YIF1B: variants seen among roughly 807,000 people sequenced by gnomAD.
YIF1B encodes Yip1 interacting factor homolog B, membrane trafficking protein.
YIF1B carries 24 observed loss-of-function variants against 34.6 expected under a neutral mutation model. The ratio of observed to expected loss-of-function variants is 0.69; its 90% CI spans 0.50 to 0.98. The LOEUF is 0.98. Ranked by LOEUF, YIF1B falls within the 50% of genes least tolerant of loss-of-function variation. The pLI, the probability that YIF1B is intolerant of heterozygous loss-of-function variation, is 0.00. For synonymous variants in YIF1B, 186 were observed against 184.8 expected (o/e 1.01, Z -0.05); for missense variants, 368 against 429.4 (o/e 0.86, Z 1.26).
chr19:38,308,640 G>C, intron 5 of YIF1B, 152 bp downstream of exon 5: 1 of 882,952 alleles, frequency 1.1e-6, no homozygotes, highest in Non-Finnish European at 1.9e-6. Flanking sequence ...GGGTGATGCT[G>C]ACAGTGACCC....
intron 1 of YIF1B, among the ~76,000 whole-genome samples, chr19:38,310,176 T>C (rs1344954374): frequency 0.01 from 1,018 of 100,312 alleles, 19 homozygotes; most frequent in African/African-American, 0.037. Context: ...ATCCATCCAT[T>C]CATCCATCCA....
At chr19:38,316,396 C>G (rs1386384536), upstream of YIF1B, among the ~76,000 whole-genome samples, 1 of 151,958 alleles carries the variant, frequency 6.6e-6, no homozygotes. Flanking sequence ...GGCTTAACGC[C>G]TGTAATCTCA....
upstream of YIF1B, among the ~76,000 whole-genome samples, chr19:38,321,160 C>T (rs139741476): frequency 6.6e-6 from 1 of 152,342 alleles, no homozygotes; most frequent in African/African-American, 2.4e-5. Flanking sequence ...CCTAAATCTC[C>T]AGACCTCTCA....
intron 1 of YIF1B, among the ~76,000 whole-genome samples, chr19:38,311,923 C>T (rs2146310226): frequency 6.6e-6 from 1 of 152,108 alleles, no homozygotes; most frequent in Admixed American, 6.5e-5. Context: ...ATGGTGAAAC[C>T]CCATCTCTAC....
chr19:38,309,195 C>T, intron 3 of YIF1B, 29 bp downstream of exon 3: 1 of 1,611,628 alleles, frequency 6.2e-7, no homozygotes, highest in South Asian at 1.1e-5. Flanking sequence ...AGGCCCACTG[C>T]AGACCCACAT....
Position 38,304,032 on chromosome 19 carries a change from C to G in YIF1B, c.*1320G>C. 4.9e-6 allele frequency: 3 copies of G among 609,408 alleles called. No homozygotes were observed. The South Asian group carries it at 6.0e-5, about 12-fold the overall frequency. 37.8% of individuals were successfully genotyped at this position (609,408 alleles called of 1,614,324 possible). A position where few individuals can be genotyped will look rare whatever the true frequency, so the allele number is the denominator to read the frequency against. On this transcript the variant is annotated 3_prime_UTR_variant, in exon 8 of 8. Transcript: ENST00000339413. ...ACAGAGCCCCCCTCAGTCGGCCTCC[C>G]CTGAGGCACCAAGGCTGGCGGAAGC...
chr19:38,318,193 C>CAAAAAAAAAA (rs35748833), upstream of YIF1B, among the ~76,000 whole-genome samples: 26 of 29,896 alleles, frequency 8.7e-4, no homozygotes, highest in South Asian at 2.0e-3. Flanking sequence ...ACTCTTGTCT[C>CAAAAAAAAAA]AAAAAAAAAA....
intron 1 of YIF1B, among the ~76,000 whole-genome samples, chr19:38,313,567 T>A (rs1969413211): frequency 6.6e-6 from 1 of 152,210 alleles, no homozygotes; most frequent in African/African-American, 2.4e-5. Flanking sequence ...CCCAGAGTGA[T>A]CTTTTTAAAT....
At chr19:38,316,098 G>A, upstream of YIF1B, 1 of 943,500 alleles carries the variant, frequency 1.1e-6, no homozygotes, top group Non-Finnish European at 1.4e-6. Flanking sequence ...GGTGCCTTAC[G>A]TAAGAGGCGG....
chr19:38,318,756 C>T (rs1185858184), upstream of YIF1B, among the ~76,000 whole-genome samples: 1 of 152,178 alleles, frequency 6.6e-6, no homozygotes, highest in Non-Finnish European at 1.5e-5. Flanking sequence ...CATGTCTGAG[C>T]TGAGCCCCAA....
chr19:38,315,719 G>A, intron 1 of YIF1B, 141 bp downstream of exon 1: 1 of 1,609,470 alleles, frequency 6.2e-7, no homozygotes. Context: ...CCTCCTACCC[G>A]AACCTGGCAT....
At chr19:38,321,763 GC>G (rs1032705115), upstream of YIF1B, among the ~76,000 whole-genome samples, 1 of 152,242 alleles carries the variant, frequency 6.6e-6, no homozygotes, top group African/African-American at 2.4e-5. Context: ...CCCTGGGTCT[GC>G]CCATGCTGCC....
In YIF1B at chr19:38,304,146, T is replaced by G. The variant is rs76682100; in HGVS notation, c.*1206A>C. On this transcript the variant is annotated 3_prime_UTR_variant, in exon 8 of 8. Coordinates refer to ENST00000339413, the MANE Select transcript of YIF1B (RefSeq NM_001039672.3). ...CAGGGCTGAGGACCAGGACAGAGGT[T>G]GGGTGGGGCGTCTCAGCATTCCTCC... The G allele has an allele frequency of 0.15, 194,487 of 1,275,850 alleles. 15,897 individuals carry two copies. The highest frequency in any genetic ancestry group is 0.23 in the Admixed American group (11,379 of 49,740). The allele number at this position is 1,275,850 out of a possible 1,614,324, so 79.0% of individuals were successfully genotyped here. A position where few individuals can be genotyped will look rare whatever the true frequency, so the allele number is the denominator to read the frequency against.
upstream of YIF1B, chr19:38,316,040 C>T (rs1283984957): frequency 2.3e-6 from 3 of 1,305,742 alleles, no homozygotes; most frequent in African/African-American, 3.1e-5. Flanking sequence ...GCCCCCACCC[C>T]CCCGACCCCT....
intron 7 of YIF1B, 75 bp downstream of exon 7, chr19:38,307,353 A>G: frequency 6.7e-7 from 1 of 1,491,138 alleles, no homozygotes; most frequent in South Asian, 1.2e-5. Flanking sequence ...CCCACACCTG[A>G]CATCCTCTGC....
rs543557738 is a variant in YIF1B, at chr19:38,309,019, G to T, written c.441C>A (p.Ala147=). ...EVQYQQDTPV[A]PRFDVNAPDL... ...CCGGGGCATTGACGTCAAAGCGGGG[G>T]GCCACCGGGGTGTCCTGTTGGTACT... Residue 147 remains alanine (A), a synonymous_variant, in exon 4 of 8, where the codon GCC becomes GCA. Transcript: ENST00000339413. The T allele has an allele frequency of 2.4e-5, 37 of 1,565,780 alleles. No homozygotes were observed. In the African/African-American group the frequency reaches 4.5e-4, roughly 19 times the overall value.
intron 1 of YIF1B, among the ~76,000 whole-genome samples, chr19:38,315,265 AAAG>A (rs2145027279): frequency 6.6e-6 from 1 of 152,028 alleles, no homozygotes; most frequent in Admixed American, 6.6e-5. Flanking sequence ...AAAAAAAGAA[AAAG>A]AAGTATCCTC....
intron 7 of YIF1B, among the ~76,000 whole-genome samples, chr19:38,306,421 G>T (rs1247084830): frequency 4.6e-5 from 7 of 151,876 alleles, no homozygotes; most frequent in African/African-American, 1.7e-4. Context: ...ATGTTGTCCA[G>T]GCTGGTATCA....
In YIF1B at chr19:38,305,300, C is replaced by T; in HGVS notation, c.*52G>A. 1 of 1,574,676 alleles carries T rather than the reference C, an allele frequency of 6.4e-7. No individual in the cohort carries two copies. The highest frequency in any genetic ancestry group is 8.6e-7 in the Non-Finnish European group (1 of 1,158,804). ...TGCAGGCAGGAGATGAGTTCGGCGGCCACAGTGGCCCCCAGCAGCAGCAGC... is the reference window on the plus strand; with the variant it reads ...TGCAGGCAGGAGATGAGTTCGGCGGTCACAGTGGCCCCCAGCAGCAGCAGC... On this transcript the variant is annotated 3_prime_UTR_variant, in exon 8 of 8. Transcript: ENST00000339413.
Sources: allele counts gnomAD v4.1 joint callset (sites outside exome capture counted in the v4.1 genomes callset), GRCh38; gene constraint gnomAD v4.1.1; transcripts MANE v1.5; gene names NCBI Gene and HGNC (gene_info 2026-07-23, HGNC 2026-07-21).